UBASH3A: variants seen among roughly 807,000 people sequenced by gnomAD.
The protein encoded by UBASH3A is ubiquitin associated and SH3 domain containing A.
A neutral mutation model predicts 73.5 loss-of-function variants in UBASH3A; 63 were observed. The observed-to-expected ratio is 0.86, with a 90% CI of 0.70 to 1.06. UBASH3A has a LOEUF of 1.06. Among genes scored for constraint, UBASH3A ranks in the 50% least tolerant of loss-of-function variants. The pLI is 0.00. For missense variants in UBASH3A, 860 were observed against 859.0 expected, an observed-to-expected ratio of 1.00 and a Z score of -0.02; for synonymous variants, 363 against 351.1, an observed-to-expected ratio of 1.03 and a Z score of -0.38.
intron 7 of UBASH3A, among the ~76,000 whole-genome samples, chr21:42,420,915 A>T (rs2053327046): frequency 6.6e-6 from 1 of 152,210 alleles, no homozygotes; most frequent in Non-Finnish European, 1.5e-5. Context: ...ATTTGATGGG[A>T]TAGCTAGGAA....
At chr21:42,405,869 C>G (rs567208791) in intron 1 of UBASH3A, among the ~76,000 whole-genome samples, 17 of 151,194 alleles carry the variant, frequency 1.1e-4, no homozygotes, top group Admixed American at 6.6e-4. Flanking sequence ...TGTTTCCCAG[C>G]AGAGAGGTGT....
intron 9 of UBASH3A, 65 bp from the exon 10 acceptor site, chr21:42,434,767 G>T: frequency 6.5e-7 from 1 of 1,545,690 alleles, no homozygotes; most frequent in Non-Finnish European, 8.8e-7. Context: ...GGTCTTGGGA[G>T]TTTTGTGGAA....
Position 42,403,916 on chromosome 21 carries a change from G to C in UBASH3A, c.-30G>C. On this transcript the variant is annotated 5_prime_UTR_variant, in exon 1 of 15. Coordinates refer to ENST00000319294, the MANE Select transcript of UBASH3A (RefSeq NM_018961.4). The stretch of plus-strand genomic sequence containing the variant: ...TTTATCTCCTCATTTCTGTGTGCAG[G>C]CGAGCTTCTTGGCCTAAGGGCAGGA... 1 of 1,393,702 alleles carries C rather than the reference G, an allele frequency of 7.2e-7. No individual in the cohort carries two copies. The highest frequency in any genetic ancestry group is 9.6e-7 in the Non-Finnish European group (1 of 1,039,892). 86.3% of individuals were successfully genotyped at this position (1,393,702 alleles called of 1,614,324 possible).
In UBASH3A at chr21:42,406,320, G is replaced by A; in HGVS notation, c.126G>A (p.Leu42=). The change falls in exon 2 of 15, where the codon TTG becomes TTA. Residue 42 remains leucine, a synonymous_variant. Transcript: ENST00000319294. ...GFPVHTALKA[L]AATGRKTAEE... ...TGCTCTTCTGCAGGCTGAAAGCGTT[G>A]GCAGCCACGGGGAGGAAGACGGCGG... is the stretch of plus-strand genomic sequence containing the variant. 6.2e-7 allele frequency: 1 copy of A among 1,614,034 alleles called. No homozygotes were observed. The highest frequency in any genetic ancestry group is 8.5e-7 in the Non-Finnish European group (1 of 1,179,880).
chr21:42,418,313 G>A, intron 6 of UBASH3A, 88 bp from the exon 7 acceptor site: 1 of 1,130,370 alleles, frequency 8.8e-7, no homozygotes, highest in South Asian at 1.4e-5. Context: ...CAGAAAGCAG[G>A]AGGTGGCAGG....
intron 7 of UBASH3A, among the ~76,000 whole-genome samples, chr21:42,426,461 C>T (rs1265869133): frequency 2.6e-5 from 4 of 152,214 alleles, no homozygotes; most frequent in Non-Finnish European, 4.4e-5. Flanking sequence ...GGCCTAGCCA[C>T]GTTGACATGT....
In UBASH3A at chr21:42,414,000, G is replaced by A. The variant is rs1312291025; in HGVS notation, c.667+477G>A. Among the ~76,000 whole-genome samples the A allele has an allele frequency of 2.6e-5, 4 of 152,124 alleles. No individual in the cohort carries two copies. Among genetic ancestry groups the A allele is most frequent in the Non-Finnish European group, 5.9e-5 (4 of 68,038 alleles). ...AGTGGCATGACCTTAATCAAGTCAT[G>A]TCCACTCTCTCTGTCTCTTTTTCTT... On this transcript the variant is annotated intron_variant, in intron 5 of 14. Coordinates refer to ENST00000319294, the MANE Select transcript of UBASH3A (RefSeq NM_018961.4). This position sits in a 1 kb window ranked among gnomAD's most constrained non-coding sequence, Gnocchi z 4.5.
chr21:42,417,866 T>C (rs866044152), intron 6 of UBASH3A, among the ~76,000 whole-genome samples: 1,789 of 142,900 alleles, frequency 0.013, 45 homozygotes, highest in African/African-American at 0.045. Flanking sequence ...TCTCTTTTTT[T>C]TTTCTTTTTT....
intron 7 of UBASH3A, among the ~76,000 whole-genome samples, chr21:42,422,773 T>C (rs1470951710): frequency 1.3e-5 from 2 of 152,168 alleles, no homozygotes; most frequent in African/African-American, 4.8e-5. Context: ...TGGCATGATA[T>C]ACTTGTGGGG....
Position 42,413,649 on chromosome 21 carries a change from G to A in UBASH3A, c.667+126G>A. On this transcript the variant is annotated intron_variant, in intron 5 of 14. Transcript: ENST00000319294. The surrounding 1 kb of genome is among the most constrained non-coding windows in gnomAD (Gnocchi z 4.5). ...AACAGCCTGGGAAAGTGCCCCAGAA[G>A]GGTGTGCCAAGCATCAAGCCTGAGT... The A allele has an allele frequency of 2.8e-6, 2 of 725,576 alleles. No homozygotes were observed. Among genetic ancestry groups the A allele is most frequent in the South Asian group, 1.9e-5 (1 of 52,852 alleles). 44.9% of individuals were successfully genotyped at this position (725,576 alleles called of 1,614,324 possible).
At chr21:42,442,324 A>G (rs2146608345) in intron 11 of UBASH3A, 128 bp from the exon 12 acceptor site, 1 of 1,012,128 alleles carries the variant, frequency 9.9e-7, no homozygotes, top group East Asian at 2.4e-5. Flanking sequence ...GCCAAGAAGA[A>G]AATCACACTG....
At chr21:42,437,841 T>C (rs986058207) in intron 11 of UBASH3A, among the ~76,000 whole-genome samples, 1 of 152,228 alleles carries the variant, frequency 6.6e-6, no homozygotes, top group East Asian at 1.9e-4. Context: ...CCGTTTCTCT[T>C]TGGCCTCCGT....
intron 7 of UBASH3A, among the ~76,000 whole-genome samples, chr21:42,419,751 G>A (rs577319710): frequency 1.4e-4 from 21 of 152,184 alleles, no homozygotes; most frequent in Non-Finnish European, 2.1e-4. Flanking sequence ...AAAGTGATAT[G>A]GGTTCAATAG....
intron 10 of UBASH3A, among the ~76,000 whole-genome samples, chr21:42,437,056 C>T (rs1280110419): frequency 1.3e-5 from 2 of 152,264 alleles, no homozygotes; most frequent in Admixed American, 1.3e-4. Context: ...GAGGTCTGTT[C>T]CTTGCTGGCT....
At chr21:42,417,571 A>G (rs1311720017) in intron 6 of UBASH3A, 1 of 152,136 alleles carries the variant, frequency 6.6e-6, no homozygotes, top group Non-Finnish European at 1.5e-5. Flanking sequence ...AATTTTAGTT[A>G]TATGTGCTGC....
chr21:42,439,662 CCA>C (rs918111156), intron 11 of UBASH3A, among the ~76,000 whole-genome samples: 2 of 150,910 alleles, frequency 1.3e-5, no homozygotes, highest in Non-Finnish European at 3.0e-5. Flanking sequence ...TCCACACACA[CCA>C]CACACACACC....
intron 10 of UBASH3A, chr21:42,435,300 G>T (rs1443761700): frequency 5.9e-6 from 1 of 169,908 alleles, no homozygotes; most frequent in Non-Finnish European, 1.3e-5. Context: ...TCATTCGTTG[G>T]TTTTATTTCA....
At chr21:42,418,134 G>A (rs111462340) in intron 6 of UBASH3A, among the ~76,000 whole-genome samples, 24,034 of 151,908 alleles carry the variant, frequency 0.16, 2,401 homozygotes, top group Middle Eastern at 0.24. Context: ...CACCCACCTC[G>A]GCCTTCCAAA....
At chr21:42,445,486 G>A (rs1257642160) in intron 14 of UBASH3A, among the ~76,000 whole-genome samples, 1 of 152,212 alleles carries the variant, frequency 6.6e-6, no homozygotes, top group East Asian at 1.9e-4. Flanking sequence ...GCAGCAGTGG[G>A]GGTTGCTGAG....
Sources: allele counts gnomAD v4.1 joint callset (sites outside exome capture counted in the v4.1 genomes callset), GRCh38; gene constraint gnomAD v4.1.1; non-coding constraint Gnocchi (gnomAD v3.1); transcripts MANE v1.5; gene names NCBI Gene and HGNC (gene_info 2026-07-23, HGNC 2026-07-21).